DOCK3: variants seen among roughly 807,000 people sequenced by gnomAD.
DOCK3 encodes dedicator of cytokinesis 3, also known as dedicator of cytokinesis protein 3.
Under a neutral mutation model 265.6 loss-of-function variants are expected in DOCK3, and 60 were observed. The observed-to-expected ratio is 0.23, with a 90% confidence interval of 0.18 to 0.28. The LOEUF (loss-of-function observed/expected upper bound fraction) is 0.28, where lower values mean the gene tolerates loss of function less well. Among genes scored for constraint, DOCK3 ranks in the 10% least tolerant of loss-of-function variants. The probability of loss-of-function intolerance (pLI) is 1.00; values close to 1 mark genes in which losing one functional copy is unlikely to be tolerated. For missense variants in DOCK3, 1,981 were observed against 2,594.3 expected (o/e 0.76, Z 5.14); for synonymous variants, 881 against 938.0 (o/e 0.94, Z 1.11).
chr3:51,171,238 T>C (rs947944511), intron 12 of DOCK3, among the ~76,000 whole-genome samples: 3 of 152,196 alleles, frequency 2.0e-5, no homozygotes, highest in Admixed American at 2.0e-4. Flanking sequence ...GGTTTTGTTT[T>C]CATTTTCATT....
chr3:50,880,765 T>G (rs1290437815), intron 3 of DOCK3, among the ~76,000 whole-genome samples: 1 of 152,166 alleles, frequency 6.6e-6, no homozygotes, highest in Non-Finnish European at 1.5e-5. Flanking sequence ...GAATCCTCCC[T>G]AATTCATTTT....
intron 2 of DOCK3, among the ~76,000 whole-genome samples, chr3:50,792,198 AG>A (rs1287232427): frequency 3.4e-5 from 5 of 147,594 alleles, no homozygotes; most frequent in Non-Finnish European, 7.5e-5. Flanking sequence ...CTATATTTCT[AG>A]GTATTTCATT....
chr3:50,778,835 G>T, intron 2 of DOCK3, 77 bp downstream of exon 2: 3 of 984,814 alleles, frequency 3.0e-6, no homozygotes, highest in Non-Finnish European at 4.5e-6. Context: ...GTGCTAATAA[G>T]ATTATAAGCA....
At chr3:50,739,410 A>C (rs1319199198) in intron 1 of DOCK3, among the ~76,000 whole-genome samples, 1 of 152,066 alleles carries the variant, frequency 6.6e-6, no homozygotes, top group Non-Finnish European at 1.5e-5. Flanking sequence ...GCATTGTTCT[A>C]CAGTACCTTC....
At chr3:51,318,974 A>G (rs1020748707) in intron 32 of DOCK3, among the ~76,000 whole-genome samples, 9 of 152,000 alleles carry the variant, frequency 5.9e-5, no homozygotes, top group African/African-American at 9.7e-5. Flanking sequence ...GGGATTTTCT[A>G]TTTAGACAAT....
At chr3:50,762,432 T>C (rs2040590722) in intron 1 of DOCK3, among the ~76,000 whole-genome samples, 1 of 152,178 alleles carries the variant, frequency 6.6e-6, no homozygotes, top group Non-Finnish European at 1.5e-5. Flanking sequence ...CATTATATAA[T>C]ACTTAGTTTT....
At chr3:50,864,760 T>C (rs1242097070) in intron 3 of DOCK3, among the ~76,000 whole-genome samples, 1 of 152,116 alleles carries the variant, frequency 6.6e-6, no homozygotes, top group Non-Finnish European at 1.5e-5. Context: ...GTTAAGTGTG[T>C]GGATTTATTT....
chr3:51,195,529 C>T (rs1257687126), intron 12 of DOCK3, among the ~76,000 whole-genome samples: 1 of 152,032 alleles, frequency 6.6e-6, no homozygotes, highest in Non-Finnish European at 1.5e-5. Flanking sequence ...ATTCTCCTGC[C>T]ACAGCCTCCC....
intron 19 of DOCK3, among the ~76,000 whole-genome samples, chr3:51,231,175 C>T (rs2090534213): frequency 8.4e-6 from 1 of 119,046 alleles, no homozygotes; most frequent in Admixed American, 1.1e-4. Flanking sequence ...GTTGCTCAGG[C>T]TGGAGTGCAG....
At chr3:50,694,539 T>C (rs2035481544) in intron 1 of DOCK3, among the ~76,000 whole-genome samples, 1 of 152,230 alleles carries the variant, frequency 6.6e-6, no homozygotes, top group African/African-American at 2.4e-5. Flanking sequence ...CTGGGTGCAG[T>C]GGCTCACGCC....
chr3:51,354,220 AC>A (rs144722987), intron 40 of DOCK3, among the ~76,000 whole-genome samples: 1,486 of 129,356 alleles, frequency 0.011, 28 homozygotes, highest in East Asian at 0.015. Context: ...CTTGATCACC[AC>A]CCCCCCCCCA....
intron 1 of DOCK3, among the ~76,000 whole-genome samples, chr3:50,768,371 AAAG>A (rs1202898274): frequency 1.3e-5 from 2 of 152,212 alleles, no homozygotes; most frequent in Non-Finnish European, 2.9e-5. Context: ...CACAACAAAA[AAAG>A]AGAATTTTAG....
chr3:50,841,896 A>T (rs2045861173), intron 3 of DOCK3, among the ~76,000 whole-genome samples, 181 bp downstream of exon 3: 1 of 151,586 alleles, frequency 6.6e-6, no homozygotes, highest in Non-Finnish European at 1.5e-5. Flanking sequence ...GTTTCTTCTG[A>T]AAGGACAGGA....
chr3:51,107,405 G>T (rs540409336), intron 9 of DOCK3, among the ~76,000 whole-genome samples: 1 of 152,224 alleles, frequency 6.6e-6, no homozygotes, highest in Non-Finnish European at 1.5e-5. Flanking sequence ...GAATAGGAAT[G>T]AAGATCATTG....
At chr3:50,838,321 G>A (rs370778421) in intron 2 of DOCK3, among the ~76,000 whole-genome samples, 2 of 152,164 alleles carry the variant, frequency 1.3e-5, no homozygotes, top group African/African-American at 2.4e-5. Flanking sequence ...AAAGTTAGAC[G>A]TAAGTCTTTA....
In DOCK3 at chr3:50,786,758, TC is replaced by T. The variant is rs1003247550; in HGVS notation, c.121+8002del. 5 of 737,240 alleles carry T rather than the reference TC, an allele frequency of 6.8e-6. No homozygotes were observed. In the African/African-American group the frequency reaches 8.6e-5, roughly 13 times the overall value. 45.7% of individuals were successfully genotyped at this position (737,240 alleles called of 1,614,324 possible). ...ATGAAAATACTGCTTCGTGTTGAAATCCTTGCCACACCACTGGCACATGAAC... is the reference window on the plus strand; with the variant it reads ...ATGAAAATACTGCTTCGTGTTGAAATCTTGCCACACCACTGGCACATGAAC... On this transcript the variant is annotated intron_variant, in intron 2 of 52. Coordinates refer to ENST00000266037, the MANE Select transcript of DOCK3 (RefSeq NM_004947.5).
chr3:50,821,341 C>A (rs2044416294), intron 2 of DOCK3, among the ~76,000 whole-genome samples: 1 of 151,802 alleles, frequency 6.6e-6, no homozygotes. Flanking sequence ...ACTTTGTCGC[C>A]CAGGCTGGAG....
chr3:51,001,637 A>G (rs563596490), intron 5 of DOCK3, among the ~76,000 whole-genome samples: 4 of 152,276 alleles, frequency 2.6e-5, no homozygotes, highest in African/African-American at 9.6e-5. Context: ...TATTATGTAG[A>G]TATATCTTTT....
At chr3:51,327,489 G>A (rs759034474) in intron 32 of DOCK3, among the ~76,000 whole-genome samples, 9 of 152,200 alleles carry the variant, frequency 5.9e-5, no homozygotes, top group Admixed American at 1.3e-4. Context: ...TTGATGGTCA[G>A]TGTCACTAAT....
Sources: gnomAD v4.1 joint callset for allele counts (sites outside exome capture counted in the v4.1 genomes callset) on GRCh38, gnomAD v4.1.1 for gene constraint, MANE v1.5 for transcripts, NCBI Gene and HGNC (gene_info 2026-07-23, HGNC 2026-07-21) for gene names.